The following ZFYVE26 variants were observed in gnomAD, a reference collection of about 807,000 sequenced individuals.
ZFYVE26 encodes zinc finger FYVE domain-containing protein 26.
In ZFYVE26, 181 loss-of-function variants were observed where a neutral mutation model predicts 276.5. The ratio of observed to expected loss-of-function variants is 0.65; its 90% CI spans 0.58 to 0.74. The LOEUF is 0.74. Ranked by LOEUF, ZFYVE26 falls within the 30% of genes least tolerant of loss-of-function variation. The probability of loss-of-function intolerance (pLI) is 0.00; values close to 1 mark genes in which losing one functional copy is unlikely to be tolerated. For missense variants in ZFYVE26, 2,821 were observed against 3,097.9 expected (o/e 0.91, Z 2.12); for synonymous variants, 1,129 against 1,203.1 (o/e 0.94, Z 1.27).
chr14:67,756,205 A>T, intron 35 of ZFYVE26, 60 bp from the exon 36 acceptor site: 2 of 1,565,692 alleles, frequency 1.3e-6, no homozygotes, highest in Admixed American at 3.3e-5. Context: ...ACTGTCTGGG[A>T]TCCACTCTGA....
At chr14:67,730,707 G>T (rs546511674) in intron 13 of ZFYVE26, among the ~76,000 whole-genome samples, 2 of 152,164 alleles carry the variant, frequency 1.3e-5, no homozygotes, top group African/African-American at 4.8e-5. Context: ...GGGTTCAAGC[G>T]ATTCTCCTGA....
intron 13 of ZFYVE26, among the ~76,000 whole-genome samples, chr14:67,738,934 C>T (rs2038383305): frequency 6.6e-6 from 1 of 152,144 alleles, no homozygotes; most frequent in Non-Finnish European, 1.5e-5. Context: ...GTCCAGGCCT[C>T]CCCACAGAGA....
rs1046776288 is a variant in ZFYVE26 at position 67,747,414 on chromosome 14, C to T, written c.*1022G>A. The T allele has an allele frequency of 3.3e-5, 5 of 152,144 alleles. No individual in the cohort carries two copies. Among genetic ancestry groups the T allele is most frequent in the Non-Finnish European group, 5.9e-5 (4 of 68,050 alleles). The allele number at this position is 152,144 out of a possible 1,614,324, so 9.4% of individuals were successfully genotyped here. A position where few individuals can be genotyped will look rare whatever the true frequency, so the allele number is the denominator to read the frequency against. ...CATGTCTGCATATCCATCCTGTGGT[C>T]CTGAAGAGACTGAAGGGAAGCAGGA... On this transcript the variant is annotated 3_prime_UTR_variant, in exon 42 of 42. Transcript: ENST00000347230.
chr14:67,743,792 C>T (rs904157769), downstream of ZFYVE26, among the ~76,000 whole-genome samples: 2 of 151,882 alleles, frequency 1.3e-5, no homozygotes, highest in Admixed American at 6.6e-5. Flanking sequence ...ATAGCTAGAA[C>T]CTTGAGGAAT....
intron 10 of ZFYVE26, chr14:67,799,715 G>A (rs1703826984): frequency 4.8e-6 from 4 of 825,602 alleles, no homozygotes; most frequent in Non-Finnish European, 7.9e-6. Context: ...GAGAAAAGGT[G>A]TCTTTCCAGC....
At chr14:67,772,306 T>A in intron 27 of ZFYVE26, 96 bp from the exon 28 acceptor site, 1 of 1,366,826 alleles carries the variant, frequency 7.3e-7, no homozygotes, top group South Asian at 1.3e-5. Context: ...TTACAAACCG[T>A]TATTGAAAGA....
At chr14:67,737,523 A>G (rs2038366257) in intron 13 of ZFYVE26, among the ~76,000 whole-genome samples, 1 of 152,140 alleles carries the variant, frequency 6.6e-6, no homozygotes, top group African/African-American at 2.4e-5. Flanking sequence ...AACCACCCTC[A>G]TGATTCAGTC....
At chr14:67,729,612 T>C in exon 14 of ZFYVE26, 2 of 629,412 alleles carry the variant, frequency 3.2e-6, no homozygotes, top group South Asian at 3.6e-5. Flanking sequence ...CGCTTTTCCA[T>C]GAAAACTTTG....
In ZFYVE26 at chr14:67,785,077, T is replaced by A. The variant is rs1440146857; in HGVS notation, c.3505A>T (p.Ser1169Cys). The change falls in exon 19 of 42, where the codon AGT becomes TGT. Residue 1169 changes from serine to cysteine, a missense_variant. Physicochemically the swap from Ser to Cys is moderately radical, Grantham distance 112. Coordinates refer to ENST00000347230, the MANE Select transcript of ZFYVE26 (RefSeq NM_015346.4). ...CSTLAAVLLQ[S>C]LSSEPDHVEV... ...TACCTACCAGGCTCAGAGCTCAAAC[T>A]TTGAAGGAGAACTGCAGCAAGGGTG... 1 of 1,614,134 alleles carries A rather than the reference T, an allele frequency of 6.2e-7. No homozygotes were observed. Among genetic ancestry groups the A allele is most frequent in the Admixed American group, 1.7e-5 (1 of 60,028 alleles).
At chr14:67,732,440 A>G (rs2038292267) in intron 13 of ZFYVE26, among the ~76,000 whole-genome samples, 1 of 151,902 alleles carries the variant, frequency 6.6e-6, no homozygotes, top group Non-Finnish European at 1.5e-5. Flanking sequence ...AAAAAAAAAA[A>G]AAAAATCCTC....
Position 67,809,205 on chromosome 14 carries a change from G to C in ZFYVE26, c.358C>G (p.Leu120Val), listed in dbSNP as rs1214937986. The change falls in exon 4 of 42, where the codon CTC becomes GTC. Residue 120 changes from leucine to valine, a missense_variant. Leu to Val is a conservative substitution (Grantham distance 32). Transcript: ENST00000347230. ...GTACCAGGGCTCTCTCTCACCTCGA[G>C]GATGTTCTCTGGAATGTCACCTTGG... is the stretch of plus-strand genomic sequence containing the variant. ...DLQGDIPENILEELYETLTQG... is the reference protein window; with the variant it reads ...DLQGDIPENIVEELYETLTQG... The C allele has an allele frequency of 6.2e-7, 1 of 1,613,798 alleles. No individual in the cohort carries two copies. The highest frequency in any genetic ancestry group is 1.7e-5 in the Admixed American group (1 of 59,990).
intron 2 of ZFYVE26, among the ~76,000 whole-genome samples, chr14:67,815,316 G>C (rs1459038312): frequency 6.6e-6 from 1 of 152,146 alleles, no homozygotes; most frequent in Non-Finnish European, 1.5e-5. Flanking sequence ...GTCGCAATTG[G>C]GGCAGACTGG....
intron 35 of ZFYVE26, chr14:67,761,106 T>C: frequency 1.6e-6 from 1 of 641,782 alleles, no homozygotes; most frequent in Non-Finnish European, 2.8e-6. Context: ...ACTATCCGAT[T>C]CTGCTGCATG....
chr14:67,754,287 G>C, intron 37 of ZFYVE26, 75 bp from the exon 38 acceptor site: 1 of 1,573,532 alleles, frequency 6.4e-7, no homozygotes, highest in Non-Finnish European at 8.7e-7. Flanking sequence ...CTGAGAAGTC[G>C]AATAATATGG....
chr14:67,778,340 T>C (rs1701950094), intron 23 of ZFYVE26, 92 bp from the exon 24 acceptor site: 2 of 1,534,656 alleles, frequency 1.3e-6, no homozygotes, highest in African/African-American at 1.4e-5. Context: ...GGAATGTTTA[T>C]AAGTGCTGAT....
chr14:67,809,549 A>C (rs2040255983), intron 3 of ZFYVE26, among the ~76,000 whole-genome samples: 1 of 150,666 alleles, frequency 6.6e-6, no homozygotes, highest in African/African-American at 2.4e-5. Context: ...CAGCCTCCCG[A>C]GTAGCTGGGA....
At position 67,769,524 on chromosome 14, in the gene ZFYVE26, T is replaced by C; in HGVS notation, c.5621+70A>G. On this transcript the variant is annotated intron_variant, in intron 29 of 41. Transcript: ENST00000347230. ...TGAAATGCTCTCATAATGAGACTCC[T>C]AGGAGTGTAGGGACCTGCGGAAGGG... 1.9e-6 allele frequency: 3 copies of C among 1,606,272 alleles called. No individual in the cohort carries two copies. The Admixed American group carries it at 5.0e-5, about 27-fold the overall frequency.
At chr14:67,813,908 A>T in intron 3 of ZFYVE26, 78 bp downstream of exon 3, 1 of 1,021,030 alleles carries the variant, frequency 9.8e-7, no homozygotes, top group South Asian at 1.3e-5. Flanking sequence ...AGTAACAGAC[A>T]GAAGGGAAAT....
At chr14:67,810,860 A>ATG (rs1007602540) in intron 3 of ZFYVE26, among the ~76,000 whole-genome samples, 6 of 151,888 alleles carry the variant, frequency 4.0e-5, no homozygotes, top group Non-Finnish European at 7.4e-5. Flanking sequence ...ACCTGCAGGG[A>ATG]TGTGTGTGTG....
Sources: allele counts gnomAD v4.1 joint callset (sites outside exome capture counted in the v4.1 genomes callset), GRCh38; gene constraint gnomAD v4.1.1; transcripts MANE v1.5; gene names NCBI Gene and HGNC (gene_info 2026-07-23, HGNC 2026-07-21).